The following ANAPC1 variants were observed in gnomAD, a reference collection of about 807,000 sequenced individuals.
ANAPC1 encodes anaphase promoting complex subunit 1.
A neutral mutation model predicts 208.0 loss-of-function variants in ANAPC1; 36 were observed. The ratio of observed to expected loss-of-function variants is 0.17; its 90% CI spans 0.13 to 0.23. ANAPC1 has a LOEUF of 0.23. Ranked by LOEUF, ANAPC1 falls within the 10% of genes least tolerant of loss-of-function variation. ANAPC1 has a pLI of 1.00. For synonymous variants in ANAPC1, 378 were observed against 695.2 expected (o/e 0.54, Z 7.18); for missense variants, 942 against 2,011.6 (o/e 0.47, Z 10.17).
rs1193438989 is a variant in ANAPC1, at chr2:111,805,794, A to T, written c.3924+8T>A. 1 of 325,216 alleles carries T rather than the reference A, an allele frequency of 3.1e-6. No homozygotes were observed. The highest frequency in any genetic ancestry group is 4.8e-5 in the East Asian group (1 of 20,884). 20.1% of individuals were successfully genotyped at this position (325,216 alleles called of 1,614,324 possible). A position where few individuals can be genotyped will look rare whatever the true frequency, so the allele number is the denominator to read the frequency against. On this transcript the variant is annotated splice_region_variant and intron_variant, in intron 30 of 47. Transcript: ENST00000341068. ...ACTGAAGCATGGGAAGGCATAGGCT[A>T]TGCTTACCCCCAAGCAGACCATGCC...
chr2:111,811,226 A>C (rs1162151586), intron 28 of ANAPC1, among the ~76,000 whole-genome samples: 32 of 150,198 alleles, frequency 2.1e-4, no homozygotes, highest in African/African-American at 7.9e-4. Context: ...GAGAAATGTT[A>C]CTTAGTTATG....
intron 38 of ANAPC1, among the ~76,000 whole-genome samples, chr2:111,791,702 C>T (rs906742122): frequency 1.3e-5 from 2 of 152,162 alleles, no homozygotes; most frequent in South Asian, 2.1e-4. Context: ...GCAAAATCAA[C>T]GTAAGGTGTT....
At chr2:111,787,639 T>C (rs1677636441) in intron 39 of ANAPC1, among the ~76,000 whole-genome samples, 1 of 152,144 alleles carries the variant, frequency 6.6e-6, no homozygotes, top group Non-Finnish European at 1.5e-5. Context: ...TCTCAAACTA[T>C]ATCTAGGGAA....
At chr2:111,826,548 G>T (rs1679841818) in intron 21 of ANAPC1, among the ~76,000 whole-genome samples, 1 of 152,032 alleles carries the variant, frequency 6.6e-6, no homozygotes, top group African/African-American at 2.4e-5. Flanking sequence ...TCCTTTTCAT[G>T]CTAAGTAGTA....
intron 21 of ANAPC1, among the ~76,000 whole-genome samples, chr2:111,826,661 A>ATTT (rs35434299): frequency 3.5e-5 from 4 of 115,026 alleles, no homozygotes; most frequent in Non-Finnish European, 5.3e-5. Flanking sequence ...TTATTTATTT[A>ATTT]TTTATTTTTT....
At chr2:111,864,207 T>C (rs1348905472) in intron 8 of ANAPC1, among the ~76,000 whole-genome samples, 1 of 151,868 alleles carries the variant, frequency 6.6e-6, no homozygotes, top group Non-Finnish European at 1.5e-5. Flanking sequence ...ACATTTGTAG[T>C]CCTAGCTATT....
chr2:111,873,819 AT>A (rs1558743681), intron 3 of ANAPC1, among the ~76,000 whole-genome samples, 155 bp from the exon 4 acceptor site: 9 of 151,852 alleles, frequency 5.9e-5, no homozygotes, highest in African/African-American at 1.9e-4. Context: ...ATAAGAAAAA[AT>A]AAATTAGAGT....
At chr2:111,808,336 G>A (rs2104397021) in intron 29 of ANAPC1, among the ~76,000 whole-genome samples, 1 of 152,192 alleles carries the variant, frequency 6.6e-6, no homozygotes, top group African/African-American at 2.4e-5. Context: ...TATTAATAAT[G>A]CCAATAGCAT....
At chr2:111,845,437 C>T (rs1434116041) in intron 16 of ANAPC1, among the ~76,000 whole-genome samples, 1 of 152,096 alleles carries the variant, frequency 6.6e-6, no homozygotes, top group African/African-American at 2.4e-5. Context: ...TATTAAAATA[C>T]CAAATAACCA....
chr2:111,864,449 C>CATATATATAT (rs57591480), intron 8 of ANAPC1, among the ~76,000 whole-genome samples: 2 of 95,708 alleles, frequency 2.1e-5, no homozygotes, highest in African/African-American at 7.6e-5. Context: ...ACTACTCTTT[C>CATATATATAT]ATATATATAT....
At chr2:111,839,565 C>T (rs1447368724) in intron 17 of ANAPC1, among the ~76,000 whole-genome samples, 1 of 152,172 alleles carries the variant, frequency 6.6e-6, no homozygotes, top group Non-Finnish European at 1.5e-5. Flanking sequence ...AAAAACTAAA[C>T]ATAGGTAGCA....
At chr2:111,791,621 A>C (rs1677878704) in intron 38 of ANAPC1, among the ~76,000 whole-genome samples, 1 of 151,436 alleles carries the variant, frequency 6.6e-6, no homozygotes, top group East Asian at 1.9e-4. Context: ...AATCTTACAA[A>C]CATAATGTTG....
In ANAPC1 at chr2:111,829,701, AAAAT is replaced by A. The variant is rs199656185; in HGVS notation, c.2625+1581_2625+1584del. Among the ~76,000 whole-genome samples, 726 of 149,048 alleles carry A rather than the reference AAAAT, an allele frequency of 4.9e-3. 4 individuals carry two copies. Among genetic ancestry groups the A allele is most frequent in the Non-Finnish European group, 7.0e-3 (461 of 66,072 alleles). On this transcript the variant is annotated intron_variant, in intron 21 of 47. Transcript: ENST00000341068. ...AGCTAGAGGTAAACAAAAAATAATA[AAAAT>A]AAATAAAGAAGTGTTTCTTGAAAAA...
chr2:111,824,951 C>T lies in ANAPC1; in HGVS notation c.2812+15G>A, dbSNP rs1386738939. 1.9e-6 allele frequency: 3 copies of T among 1,613,824 alleles called. No homozygotes were observed. The highest frequency in any genetic ancestry group is 8.5e-7 in the Non-Finnish European group (1 of 1,179,788). Reference sequence around the variant, plus strand: ...GAAGCACGGCCTAGTTAGGAGGTAACAAAGAAGCTCTCACCTACATTAGTC... The same window carrying T: ...GAAGCACGGCCTAGTTAGGAGGTAATAAAGAAGCTCTCACCTACATTAGTC... On this transcript the variant is annotated intron_variant, in intron 24 of 47. Transcript: ENST00000341068.
chr2:111,843,375 A>T, intron 17 of ANAPC1, 37 bp downstream of exon 17: 1 of 1,606,510 alleles, frequency 6.2e-7, no homozygotes, highest in South Asian at 1.1e-5. Flanking sequence ...TTACATTAAC[A>T]GAATAACTCA....
rs749304749 is a variant in ANAPC1 at position 111,873,384 on chromosome 2, A to G, written c.452T>C (p.Ile151Thr). 20 of 1,604,260 alleles carry G rather than the reference A, an allele frequency of 1.2e-5. No individual in the cohort carries two copies. The highest frequency in any genetic ancestry group is 1.6e-5 in the Non-Finnish European group (19 of 1,176,830). ...AYSSNEVEKC[I>T]CILQSSCINM... ...AATACATGAGCTTTGCAATATACAT[A>G]TGCATTTTTCTACTTCATTGCTACC... Residue 151 changes from isoleucine to threonine, a missense_variant, in exon 5 of 48, where the codon ATA becomes ACA. Ile to Thr is a moderately conservative substitution (Grantham distance 89). Coordinates refer to ENST00000341068, the MANE Select transcript of ANAPC1 (RefSeq NM_022662.4).
intron 28 of ANAPC1, among the ~76,000 whole-genome samples, chr2:111,811,054 G>A (rs2944555): frequency 6.6e-6 from 1 of 152,008 alleles, no homozygotes; most frequent in African/African-American, 2.4e-5. Flanking sequence ...ACAGAAGTTC[G>A]GCCATCATGT....
intron 18 of ANAPC1, among the ~76,000 whole-genome samples, chr2:111,836,548 G>A (rs1246996097): frequency 6.6e-6 from 1 of 151,504 alleles, no homozygotes; most frequent in Non-Finnish European, 1.5e-5. Flanking sequence ...CTTGGAGGCT[G>A]AGGTAGGAGG....
rs200225016 is a variant in ANAPC1 at position 111,772,366 on chromosome 2, C to T, written c.5694G>A (p.Gln1898=). 1.1e-5 allele frequency: 17 copies of T among 1,611,462 alleles called. No individual in the cohort carries two copies. Among genetic ancestry groups the T allele is most frequent in the East Asian group, 2.2e-5 (1 of 44,770 alleles). ...FLVYHSVPAP[Q]HLPPIGLEGS... ...CTTCTAGTCCTATAGGTGGCAGGTGCTGTGGAGCTGGCACAGAGTGGTAGA... is the reference window on the plus strand; with the variant it reads ...CTTCTAGTCCTATAGGTGGCAGGTGTTGTGGAGCTGGCACAGAGTGGTAGA... Residue 1898 remains glutamine, a synonymous_variant, in exon 47 of 48, where the codon CAG becomes CAA. Coordinates refer to ENST00000341068, the MANE Select transcript of ANAPC1 (RefSeq NM_022662.4).
Sources: gnomAD v4.1 joint callset for allele counts (sites outside exome capture counted in the v4.1 genomes callset) on GRCh38, gnomAD v4.1.1 for gene constraint, MANE v1.5 for transcripts, NCBI Gene and HGNC (gene_info 2026-07-23, HGNC 2026-07-21) for gene names.